The following MAML3 variants were observed in gnomAD, a reference collection of about 807,000 sequenced individuals.
The protein encoded by MAML3 is mastermind like transcriptional coactivator 3.
MAML3 carries 27 observed loss-of-function variants against 101.9 expected under a neutral mutation model. The observed-to-expected ratio is 0.27, with a 90% CI of 0.20 to 0.37. The LOEUF is 0.37. Among genes scored for constraint, MAML3 ranks in the 10% least tolerant of loss-of-function variants. MAML3 has a pLI of 1.00. For synonymous variants in MAML3, 501 were observed against 555.9 expected (o/e 0.90, Z 1.39); for missense variants, 1,316 against 1,444.9 (o/e 0.91, Z 1.45).
At chr4:139,893,335 T>G (rs774331586) in intron 1 of MAML3, among the ~76,000 whole-genome samples, 6 of 152,196 alleles carry the variant, frequency 3.9e-5, no homozygotes, top group Non-Finnish European at 8.8e-5. Context: ...GTTAGGTGCC[T>G]TCCTTGACCA....
rs78006647 is a variant in MAML3, at chr4:139,852,738, T to A, written c.2079+36619A>T. ...CCTGGACTGTGTGTTTTTAATTGCA[T>A]GGTACTTTCTATGTTTCTAGACTGT... On this transcript the variant is annotated intron_variant, in intron 2 of 4. Coordinates refer to ENST00000509479, the MANE Select transcript of MAML3 (RefSeq NM_018717.5). 2.9e-3 allele frequency among the ~76,000 whole-genome samples: 435 copies of A among 152,280 alleles called. 2 individuals carry two copies. Among genetic ancestry groups the A allele is most frequent in the Non-Finnish European group, 4.1e-3 (276 of 68,028 alleles).
In MAML3 at chr4:139,890,265, C is replaced by T. The variant is rs765267001; in HGVS notation, c.1171G>A (p.Ala391Thr). ...SGPPFSTVST[A>T]TSLPSVASTP... ...CTGGCAACAGAAGGTAAACTAGTGG[C>T]CGTGGAGACAGTAGAAAAGGGAGGA... Residue 391 changes from alanine to threonine, a missense_variant, in exon 2 of 5, where the codon GCC (alanine) becomes ACC (threonine). By Grantham distance (58) the Ala-to-Thr change is moderately conservative. Transcript: ENST00000509479. The surrounding 1 kb of genome is among the most constrained non-coding windows in gnomAD (Gnocchi z 4.1). 13 of 1,613,608 alleles carry T rather than the reference C, an allele frequency of 8.1e-6. No homozygotes were observed. Among genetic ancestry groups the T allele is most frequent in the South Asian group, 2.2e-5 (2 of 91,068 alleles).
chr4:140,099,229 TCACA>T (rs57140878), intron 1 of MAML3, among the ~76,000 whole-genome samples: 2,709 of 147,138 alleles, frequency 0.018, 65 homozygotes, highest in African/African-American at 0.057. Flanking sequence ...TGGAAGTATA[TCACA>T]CACACACACA....
At chr4:140,000,519 G>C (rs1647523603) in intron 1 of MAML3, among the ~76,000 whole-genome samples, 1 of 152,066 alleles carries the variant, frequency 6.6e-6, no homozygotes, top group Non-Finnish European at 1.5e-5. Flanking sequence ...CAGAAAAATG[G>C]CCCAGAATGA....
At chr4:139,865,923 C>T (rs1731889638) in intron 2 of MAML3, among the ~76,000 whole-genome samples, 1 of 152,254 alleles carries the variant, frequency 6.6e-6, no homozygotes, top group Non-Finnish European at 1.5e-5. Context: ...TCTGTTTTCC[C>T]AGGTCCGTCT....
intron 1 of MAML3, among the ~76,000 whole-genome samples, chr4:140,032,818 A>G (rs959009755): frequency 4.6e-5 from 7 of 151,748 alleles, no homozygotes; most frequent in Non-Finnish European, 1.0e-4. Flanking sequence ...GATAAATTCC[A>G]AAGTTCCTTA....
chr4:140,009,890 T>C (rs192286981), intron 1 of MAML3, among the ~76,000 whole-genome samples: 1 of 152,324 alleles, frequency 6.6e-6, no homozygotes, highest in African/African-American at 2.4e-5. Context: ...TCTCATAATA[T>C]CATTAATTAG....
At chr4:139,737,388 T>G (rs1434779581) in intron 2 of MAML3, among the ~76,000 whole-genome samples, 1 of 152,056 alleles carries the variant, frequency 6.6e-6, no homozygotes, top group Admixed American at 6.5e-5. Context: ...GGATTCTGAC[T>G]TTTCCACTGA....
chr4:139,771,980 C>T (rs1482823172), intron 2 of MAML3, among the ~76,000 whole-genome samples: 3 of 151,448 alleles, frequency 2.0e-5, no homozygotes, highest in Non-Finnish European at 4.4e-5. Flanking sequence ...TGGCTCACGC[C>T]TGTAATCCCA....
At chr4:139,739,948 A>G (rs1725386496) in intron 2 of MAML3, among the ~76,000 whole-genome samples, 1 of 152,146 alleles carries the variant, frequency 6.6e-6, no homozygotes, top group African/African-American at 2.4e-5. Flanking sequence ...GACCTGGACT[A>G]TTTCTCCCTG....
intron 2 of MAML3, among the ~76,000 whole-genome samples, chr4:139,796,019 T>C (rs1730506083): frequency 6.6e-6 from 1 of 152,222 alleles, no homozygotes; most frequent in Admixed American, 6.5e-5. Flanking sequence ...GTAACCTTTT[T>C]TGAGGCTGGA....
At chr4:139,837,766 A>G (rs894272299) in intron 2 of MAML3, among the ~76,000 whole-genome samples, 2 of 151,500 alleles carry the variant, frequency 1.3e-5, no homozygotes, top group Non-Finnish European at 2.9e-5. Context: ...CTAAAAATAC[A>G]AAAATTAGCT....
intron 1 of MAML3, among the ~76,000 whole-genome samples, chr4:140,082,093 G>A (rs1412659013): frequency 1.3e-5 from 2 of 152,168 alleles, no homozygotes; most frequent in Non-Finnish European, 2.9e-5. Context: ...CACAGTAGCA[G>A]ACCAATAAGA....
At chr4:140,047,309 G>A (rs1180651888) in intron 1 of MAML3, among the ~76,000 whole-genome samples, 1 of 152,184 alleles carries the variant, frequency 6.6e-6, no homozygotes, top group East Asian at 1.9e-4. Context: ...TGCTTGGCTG[G>A]CTGAGTTAGG....
intron 2 of MAML3, among the ~76,000 whole-genome samples, chr4:139,861,307 C>G (rs553646518): frequency 2.6e-5 from 4 of 152,072 alleles, no homozygotes; most frequent in Non-Finnish European, 5.9e-5. Flanking sequence ...ATTCTCTTCT[C>G]CCTGTATGAT....
chr4:140,129,114 G>T lies in MAML3; in HGVS notation c.468+23746C>A, dbSNP rs116913603. ...GACTCAGTAGCCTCATCTTTTAAAT[G>T]GAAACAATAATTAGACGAGCCTCAG... On this transcript the variant is annotated intron_variant, in intron 1 of 4. Transcript: ENST00000509479. 3.3e-5 allele frequency among the ~76,000 whole-genome samples: 5 copies of T among 152,152 alleles called. No individual in the cohort carries two copies. The East Asian group carries it at 5.8e-4, about 18-fold the overall frequency.
At chr4:139,956,967 G>GTTGGCT (rs1733927818) in intron 1 of MAML3, among the ~76,000 whole-genome samples, 1 of 152,180 alleles carries the variant, frequency 6.6e-6, no homozygotes, top group African/African-American at 2.4e-5. Flanking sequence ...GATATTAATA[G>GTTGGCT]TTGGCTTTTT....
intron 2 of MAML3, among the ~76,000 whole-genome samples, chr4:139,857,746 A>G (rs1731689980): frequency 6.6e-6 from 1 of 152,232 alleles, no homozygotes; most frequent in African/African-American, 2.4e-5. Flanking sequence ...AATAAATCTA[A>G]GCCATCTACA....
chr4:139,966,759 G>A (rs1307636340), intron 1 of MAML3, among the ~76,000 whole-genome samples: 4 of 151,680 alleles, frequency 2.6e-5, no homozygotes, highest in South Asian at 2.1e-4. Flanking sequence ...TTACATCAAC[G>A]AGCAGTCTTT....
Sources: gnomAD v4.1 joint callset for allele counts (sites outside exome capture counted in the v4.1 genomes callset) on GRCh38, gnomAD v4.1.1 for gene constraint, Gnocchi (gnomAD v3.1) non-coding constraint, MANE v1.5 for transcripts, NCBI Gene and HGNC (gene_info 2026-07-23, HGNC 2026-07-21) for gene names.